PODXL2: variants seen among roughly 807,000 people sequenced by gnomAD.
PODXL2 encodes podocalyxin-like protein 2.
PODXL2 carries 17 observed loss-of-function variants against 53.4 expected under a neutral mutation model. That is an observed-to-expected ratio of 0.32 (90% CI 0.22 to 0.48). PODXL2 has a LOEUF of 0.48. Ranked by LOEUF, PODXL2 falls within the 20% of genes least tolerant of loss-of-function variation. PODXL2 has a pLI of 0.99. For missense variants in PODXL2, 673 were observed against 760.0 expected, an observed-to-expected ratio of 0.89 and a Z score of 1.35; for synonymous variants, 311 against 306.7, an observed-to-expected ratio of 1.01 and a Z score of -0.15.
Position 127,629,672 on chromosome 3 carries a change from C to T in PODXL2, c.70+383C>T, listed in dbSNP as rs998279652. ...CGAGTGCATTGTGTGCCTGCGCACT[C>T]GGGGGAAGAGGCGTGTGTGACAGCC... On this transcript the variant is annotated intron_variant, in intron 1 of 7. Transcript: ENST00000342480. This position sits in a 1 kb window ranked among gnomAD's most constrained non-coding sequence, Gnocchi z 6.4. Among the ~76,000 whole-genome samples, 4 of 151,882 alleles carry T rather than the reference C, an allele frequency of 2.6e-5. No homozygotes were observed. Among genetic ancestry groups the T allele is most frequent in the African/African-American group, 9.7e-5 (4 of 41,330 alleles).
chr3:127,648,939 G>A (rs1426358375), intron 2 of PODXL2, among the ~76,000 whole-genome samples: 2 of 151,900 alleles, frequency 1.3e-5, no homozygotes, highest in South Asian at 2.1e-4. Context: ...CTGCAGGCAG[G>A]TGCCACCACC....
intron 2 of PODXL2, among the ~76,000 whole-genome samples, chr3:127,640,879 A>T (rs2074614103): frequency 6.6e-6 from 1 of 152,136 alleles, no homozygotes; most frequent in African/African-American, 2.4e-5. Context: ...GCATTGTTAA[A>T]TATCCATTTA....
At chr3:127,645,517 C>T (rs914573387) in intron 2 of PODXL2, among the ~76,000 whole-genome samples, 2 of 152,204 alleles carry the variant, frequency 1.3e-5, no homozygotes, top group Non-Finnish European at 2.9e-5. Flanking sequence ...CTGTCCGGGG[C>T]TCCTGACCGA....
chr3:127,639,656 C>G, intron 2 of PODXL2, 133 bp downstream of exon 2: 1 of 874,406 alleles, frequency 1.1e-6, no homozygotes, highest in Non-Finnish European at 1.7e-6. Context: ...TGCTGTTTAC[C>G]TGCACATCAG....
intron 3 of PODXL2, among the ~76,000 whole-genome samples, chr3:127,661,654 C>T (rs555027273): frequency 3.9e-5 from 6 of 152,150 alleles, no homozygotes; most frequent in East Asian, 3.9e-4. Context: ...CCAGGCTGGT[C>T]GGGAACTCCT....
At chr3:127,662,129 C>G in intron 3 of PODXL2, 108 bp from the exon 4 acceptor site, 2 of 867,054 alleles carry the variant, frequency 2.3e-6, no homozygotes, top group Non-Finnish European at 3.8e-6. Flanking sequence ...TACGCCTCCA[C>G]TGGCCTCCAC....
intron 1 of PODXL2, among the ~76,000 whole-genome samples, chr3:127,633,276 C>T (rs577558001): frequency 2.6e-5 from 4 of 152,332 alleles, no homozygotes; most frequent in South Asian, 2.1e-4. Context: ...TCTTCCTTCA[C>T]GTATCCTTTG....
At chr3:127,642,041 C>T (rs554904780) in intron 2 of PODXL2, among the ~76,000 whole-genome samples, 161 of 151,948 alleles carry the variant, frequency 1.1e-3, no homozygotes, top group Non-Finnish European at 1.2e-3. Context: ...CCTGTGATTC[C>T]GGCACTTTGG....
chr3:127,641,060 C>T (rs2074615779), intron 2 of PODXL2, among the ~76,000 whole-genome samples: 1 of 151,986 alleles, frequency 6.6e-6, no homozygotes, highest in South Asian at 2.1e-4. Flanking sequence ...TACAGGCATG[C>T]GCCATCACAC....
Position 127,662,328 on chromosome 3 carries a change from G to T in PODXL2, c.1206+17G>T. On this transcript the variant is annotated intron_variant, in intron 4 of 7. Transcript: ENST00000342480. ...ATAGACTGTGTGAGTGCCCAGCCAG[G>T]CTCCGAACCGCAGGGAAAGGCTGCA... 6.2e-7 allele frequency: 1 copy of T among 1,604,450 alleles called. No individual in the cohort carries two copies.
At position 127,661,177 on chromosome 3, in the gene PODXL2, C is replaced by A; in HGVS notation, c.1131+18C>A. ...CTACGCAGGTAAAGTGAGGGGCATGCGGGCCACCACCCTGTACCTTCTTCA... is the reference window on the plus strand; with the variant it reads ...CTACGCAGGTAAAGTGAGGGGCATGAGGGCCACCACCCTGTACCTTCTTCA... On this transcript the variant is annotated intron_variant, in intron 3 of 7. Transcript: ENST00000342480. 1 of 1,579,452 alleles carries A rather than the reference C, an allele frequency of 6.3e-7. No individual in the cohort carries two copies. Among genetic ancestry groups the A allele is most frequent in the Non-Finnish European group, 8.7e-7 (1 of 1,151,078 alleles).
intron 2 of PODXL2, among the ~76,000 whole-genome samples, chr3:127,657,586 A>G (rs2074733257): frequency 6.6e-6 from 1 of 152,212 alleles, no homozygotes; most frequent in Non-Finnish European, 1.5e-5. Flanking sequence ...GAATCACTGC[A>G]GCAACTCCCT....
chr3:127,650,523 C>G (rs1453865824), intron 2 of PODXL2, among the ~76,000 whole-genome samples: 1 of 152,114 alleles, frequency 6.6e-6, no homozygotes, highest in Admixed American at 6.5e-5. Flanking sequence ...GTGGAGAAAC[C>G]CCTTTACATT....
chr3:127,631,641 C>G (rs2074546941), intron 1 of PODXL2, among the ~76,000 whole-genome samples: 1 of 152,160 alleles, frequency 6.6e-6, no homozygotes, highest in Admixed American at 6.5e-5. Flanking sequence ...GGTGGGGTCT[C>G]AATTAAGGCA....
chr3:127,644,973 G>A (rs1197294897), intron 2 of PODXL2, among the ~76,000 whole-genome samples: 1 of 152,196 alleles, frequency 6.6e-6, no homozygotes, highest in Non-Finnish European at 1.5e-5. Context: ...TCTCTTCTCT[G>A]TACTACCTGA....
chr3:127,655,691 TAAGG>T (rs1446539044), intron 2 of PODXL2, among the ~76,000 whole-genome samples: 14 of 152,258 alleles, frequency 9.2e-5, no homozygotes, highest in Admixed American at 9.2e-4. Context: ...TGAGAGCTGG[TAAGG>T]AAGTAGGAAA....
chr3:127,671,348 C>T, intron 6 of PODXL2, 86 bp from the exon 7 acceptor site: 1 of 1,221,734 alleles, frequency 8.2e-7, no homozygotes, highest in Non-Finnish European at 1.2e-6. Flanking sequence ...GCTCCCCCAT[C>T]CCCACCCGAG....
chr3:127,633,633 G>A (rs1208724162), intron 1 of PODXL2, among the ~76,000 whole-genome samples: 1 of 152,086 alleles, frequency 6.6e-6, no homozygotes, highest in African/African-American at 2.4e-5. Flanking sequence ...AACCTTTATT[G>A]TGTCCCCATC....
chr3:127,672,332 C>G lies in PODXL2; in HGVS notation c.1670C>G (p.Ala557Gly). 1 of 1,549,858 alleles carries G rather than the reference C, an allele frequency of 6.5e-7. No homozygotes were observed. Among genetic ancestry groups the G allele is most frequent in the South Asian group, 1.2e-5 (1 of 84,310 alleles). The change falls in exon 8 of 8, where the codon GCC (alanine) becomes GGC (glycine). Residue 557 changes from alanine (A) to glycine (G), a missense_variant. Ala to Gly is a moderately conservative substitution (Grantham distance 60). Coordinates refer to ENST00000342480, the MANE Select transcript of PODXL2 (RefSeq NM_015720.4). ...CACGACAACCCCACGCTGGACGTGG[C>G]CAGCGACAGCCAGTCGGAGATGCAG... ...GCHDNPTLDV[A>G]SDSQSEMQEK...
Sources: allele counts gnomAD v4.1 joint callset (sites outside exome capture counted in the v4.1 genomes callset), GRCh38; gene constraint gnomAD v4.1.1; non-coding constraint Gnocchi (gnomAD v3.1); transcripts MANE v1.5; gene names NCBI Gene and HGNC (gene_info 2026-07-23, HGNC 2026-07-21).